The following NEBL variants were observed in gnomAD, a reference collection of about 807,000 sequenced individuals.
NEBL encodes the protein LIM and SH3 protein 2.
In NEBL, 122 loss-of-function variants were observed where a neutral mutation model predicts 140.2. That is an observed-to-expected ratio of 0.87 (90% CI 0.75 to 1.01). The LOEUF (loss-of-function observed/expected upper bound fraction) is 1.01, where lower values mean the gene tolerates loss of function less well. Ranked by LOEUF, NEBL falls within the 50% of genes least tolerant of loss-of-function variation. The probability of loss-of-function intolerance (pLI) is 0.00; values close to 1 mark genes in which losing one functional copy is unlikely to be tolerated. For synonymous variants in NEBL, 436 were observed against 398.9 expected (o/e 1.09, Z -1.11); for missense variants, 1,365 against 1,231.3 (o/e 1.11, Z -1.62).
chr10:20,795,553 G>A (rs1002782802), intron 26 of NEBL, among the ~76,000 whole-genome samples: 21 of 140,910 alleles, frequency 1.5e-4, no homozygotes, highest in Admixed American at 7.0e-5. Context: ...GAGAGTGTGC[G>A]TGTGCAATGT....
chr10:20,947,391 C>A (rs910536465), intron 4 of NEBL, among the ~76,000 whole-genome samples: 1 of 152,082 alleles, frequency 6.6e-6, no homozygotes, highest in Admixed American at 6.6e-5. Flanking sequence ...TGTATGAGGG[C>A]AGGCTAGAAA....
chr10:21,175,890 T>C (rs1841289497), upstream of NEBL, among the ~76,000 whole-genome samples: 1 of 152,264 alleles, frequency 6.6e-6, no homozygotes, highest in South Asian at 2.1e-4. Flanking sequence ...TATCTTATTC[T>C]CTTTTTCAAA....
chr10:21,173,740 G>T lies in NEBL; in HGVS notation c.69+25C>A. The stretch of plus-strand genomic sequence containing the variant: ...GCAGCCCCTCGCCCGGCAGGTCCAG[G>T]CTGGCCCGGCGCCCCCTCGCTCACC... On this transcript the variant is annotated intron_variant, in intron 1 of 6. Coordinates refer to the NEBL transcript ENST00000417816. The surrounding 1 kb of genome is among the most constrained non-coding windows in gnomAD (Gnocchi z 5.7). 6.2e-7 allele frequency: 1 copy of T among 1,611,604 alleles called. No homozygotes were observed.
At chr10:21,138,822 TAAAAAAA>T (rs60213612) in intron 2 of NEBL, among the ~76,000 whole-genome samples, 1 of 120,174 alleles carries the variant, frequency 8.3e-6, no homozygotes, top group South Asian at 2.6e-4. Flanking sequence ...CTAAACTATT[TAAAAAAA>T]AAAAAAAAAA....
At chr10:21,102,301 A>T (rs938835127) in intron 2 of NEBL, among the ~76,000 whole-genome samples, 1 of 152,204 alleles carries the variant, frequency 6.6e-6, no homozygotes, top group African/African-American at 2.4e-5. Context: ...TAATGCATAT[A>T]TTTAGAGTGC....
At chr10:21,061,869 T>C (rs1199747047) in intron 2 of NEBL, among the ~76,000 whole-genome samples, 1 of 152,150 alleles carries the variant, frequency 6.6e-6, no homozygotes, top group Non-Finnish European at 1.5e-5. Context: ...TACAACACTG[T>C]CCTAGAGACA....
chr10:21,117,768 T>C (rs1838350430), intron 2 of NEBL, among the ~76,000 whole-genome samples: 1 of 152,134 alleles, frequency 6.6e-6, no homozygotes, highest in Admixed American at 6.6e-5. Flanking sequence ...CTCTCAAATA[T>C]CAACTTTAGA....
Position 20,888,120 on chromosome 10 carries a change from C to T in NEBL, c.346G>A (p.Glu116Lys), listed in dbSNP as rs1194250754. 3.1e-6 allele frequency: 5 copies of T among 1,613,022 alleles called. No individual in the cohort carries two copies. The highest frequency in any genetic ancestry group is 4.2e-6 in the Non-Finnish European group (5 of 1,179,132). The change falls in exon 4 of 28, where the codon GAA becomes AAA. Residue 116 changes from glutamate (E) to lysine (K), a missense_variant. Coordinates refer to ENST00000377122, the MANE Select transcript of NEBL (RefSeq NM_006393.3). ...ACCTCACTCTGGAGCTGTGTAACTT[C>T]TCCTGCAAAAACACTGTCAATTGTG... ...PATIDSVFAG[E>K]VTQLQSEVAY...
At chr10:21,197,669 C>T (rs1025907436) in intron 3 of NEBL, among the ~76,000 whole-genome samples, 1 of 152,168 alleles carries the variant, frequency 6.6e-6, no homozygotes, top group African/African-American at 2.4e-5. Context: ...GACCATTCTC[C>T]TAGAAACACA....
intron 2 of NEBL, among the ~76,000 whole-genome samples, chr10:21,025,214 T>A (rs2131785105): frequency 6.6e-6 from 1 of 151,930 alleles, no homozygotes; most frequent in Middle Eastern, 3.4e-3. Flanking sequence ...AAACAAAACA[T>A]AATTGTGGAA....
At chr10:21,101,308 T>C (rs1320335729) in intron 2 of NEBL, among the ~76,000 whole-genome samples, 1 of 152,250 alleles carries the variant, frequency 6.6e-6, no homozygotes, top group African/African-American at 2.4e-5. Context: ...CGATTCTCAG[T>C]TCTTCCAAGG....
At chr10:20,790,614 CA>C (rs1267156108) in intron 26 of NEBL, among the ~76,000 whole-genome samples, 1 of 144,520 alleles carries the variant, frequency 6.9e-6, no homozygotes, top group African/African-American at 2.6e-5. Context: ...AAAAAAAAAA[CA>C]AAACAAACAA....
intron 2 of NEBL, among the ~76,000 whole-genome samples, chr10:21,131,377 C>T (rs1215987935): frequency 6.6e-6 from 1 of 152,140 alleles, no homozygotes; most frequent in African/African-American, 2.4e-5. Flanking sequence ...GGAATACTTC[C>T]TAACTCATTC....
intron 4 of NEBL, among the ~76,000 whole-genome samples, chr10:20,931,821 G>T (rs147035842): frequency 2.8e-4 from 42 of 152,212 alleles, no homozygotes; most frequent in African/African-American, 9.6e-4. Flanking sequence ...AGGAGGTAAA[G>T]AAAGTCCCAC....
chr10:21,046,802 C>A (rs892302204), intron 2 of NEBL, among the ~76,000 whole-genome samples: 1 of 152,100 alleles, frequency 6.6e-6, no homozygotes, highest in Non-Finnish European at 1.5e-5. Context: ...TGGGGTTTCA[C>A]CATGTTAGCC....
chr10:21,285,088 C>A (rs756839538), intron 1 of NEBL, among the ~76,000 whole-genome samples: 4 of 152,182 alleles, frequency 2.6e-5, no homozygotes, highest in Non-Finnish European at 5.9e-5. Flanking sequence ...ACCATCCTAA[C>A]TGAGTCACTA....
intron 4 of NEBL, among the ~76,000 whole-genome samples, chr10:20,928,439 T>C (rs1270806150): frequency 6.6e-6 from 1 of 152,214 alleles, no homozygotes; most frequent in East Asian, 1.9e-4. Context: ...CTCAGACATA[T>C]ATACAGCATA....
At chr10:20,865,683 G>A (rs528848169) in intron 7 of NEBL, among the ~76,000 whole-genome samples, 15 of 152,164 alleles carry the variant, frequency 9.9e-5, no homozygotes, top group Non-Finnish European at 1.6e-4. Context: ...AGAGCTTAGA[G>A]TCACCGCCCT....
At chr10:21,258,133 C>G (rs941836279) in intron 1 of NEBL, among the ~76,000 whole-genome samples, 4 of 152,070 alleles carry the variant, frequency 2.6e-5, no homozygotes, top group African/African-American at 9.7e-5. Context: ...ATCAAAATCA[C>G]TGCTATAAGC....
Sources: allele counts gnomAD v4.1 joint callset (sites outside exome capture counted in the v4.1 genomes callset), GRCh38; gene constraint gnomAD v4.1.1; non-coding constraint Gnocchi (gnomAD v3.1); transcripts MANE v1.5; gene names NCBI Gene and HGNC (gene_info 2026-07-23, HGNC 2026-07-21).